Variants in RBM19 observed in about 807,000 individuals in gnomAD.
RBM19 encodes the protein probable RNA-binding protein 19.
Under a neutral mutation model 116.8 loss-of-function variants are expected in RBM19, and 94 were observed. That is an observed-to-expected ratio of 0.80 (90% CI 0.68 to 0.95). The LOEUF is 0.95. Among genes scored for constraint, RBM19 ranks in the 40% least tolerant of loss-of-function variants. The pLI is 0.00. For synonymous variants in RBM19, 475 were observed against 494.1 expected (o/e 0.96, Z 0.51); for missense variants, 1,161 against 1,220.7 (o/e 0.95, Z 0.73).
rs574667329 is a variant in RBM19, at chr12:113,918,420, C to T, written c.2413G>A (p.Glu805Lys). Residue 805 changes from glutamate (E) to lysine (K), a missense_variant, in exon 20 of 24, where the codon GAA (glutamate) becomes AAA (lysine). By Grantham distance (56) the Glu-to-Lys change is moderately conservative. Transcript: ENST00000261741. ...GTGGCTCGTTCCGAGATCCTCACTTCCAGCTTGTGGCCGTCCACGACGTGA... is the reference window on the plus strand; with the variant it reads ...GTGGCTCGTTCCGAGATCCTCACTTTCAGCTTGTGGCCGTCCACGACGTGA... ...QGHVVDGHKL[E>K]VRISERATKP... is the part of the protein sequence containing the mutation. 6.2e-7 allele frequency: 1 copy of T among 1,614,214 alleles called. No homozygotes were observed. Among genetic ancestry groups the T allele is most frequent in the Admixed American group, 1.7e-5 (1 of 60,032 alleles).
intron 16 of RBM19, among the ~76,000 whole-genome samples, chr12:113,927,627 T>C (rs1338734561): frequency 6.6e-6 from 1 of 151,034 alleles, no homozygotes; most frequent in Non-Finnish European, 1.5e-5. Flanking sequence ...AACCAGCACT[T>C]AGTGAACTTT....
At chr12:113,920,342 C>T (rs529389495) in intron 19 of RBM19, among the ~76,000 whole-genome samples, 17 of 152,332 alleles carry the variant, frequency 1.1e-4, no homozygotes, top group African/African-American at 4.1e-4. Context: ...CGTGAGCAAC[C>T]TCTCCCAGGC....
chr12:113,866,762 G>A (rs746507833), intron 21 of RBM19, among the ~76,000 whole-genome samples: 27 of 152,228 alleles, frequency 1.8e-4, no homozygotes, highest in Non-Finnish European at 3.4e-4. Context: ...GAAGGGACAG[G>A]GGCCACTCAG....
chr12:113,928,427 C>CACACACACACAA, intron 16 of RBM19, among the ~76,000 whole-genome samples: 1 of 148,904 alleles, frequency 6.7e-6, no homozygotes, highest in Non-Finnish European at 1.5e-5. Flanking sequence ...TACACACACA[C>CACACACACACAA]ACACACACAC....
At chr12:113,885,718 G>A (rs1880467216) in intron 21 of RBM19, among the ~76,000 whole-genome samples, 1 of 152,134 alleles carries the variant, frequency 6.6e-6, no homozygotes. Context: ...AATATAGAGA[G>A]AATGATAAAC....
At chr12:113,894,394 C>G (rs1881178692) in intron 21 of RBM19, among the ~76,000 whole-genome samples, 1 of 152,224 alleles carries the variant, frequency 6.6e-6, no homozygotes, top group South Asian at 2.1e-4. Context: ...CATGCCCTCT[C>G]CAGCCTGAGA....
downstream of RBM19, among the ~76,000 whole-genome samples, chr12:113,821,354 G>A (rs1029469082): frequency 6.6e-6 from 1 of 152,222 alleles, no homozygotes; most frequent in Non-Finnish European, 1.5e-5. Context: ...CTCTGGTGGT[G>A]TGGAAATGTG....
chr12:113,955,252 C>T, intron 6 of RBM19, 41 bp from the exon 7 acceptor site: 8 of 1,581,024 alleles, frequency 5.1e-6, no homozygotes, highest in Non-Finnish European at 6.1e-6. Flanking sequence ...CCACACTAAC[C>T]CTTCGTACAG....
chr12:113,909,554 T>C (rs1291199113), intron 21 of RBM19, among the ~76,000 whole-genome samples: 2 of 152,184 alleles, frequency 1.3e-5, no homozygotes, highest in East Asian at 3.9e-4. Flanking sequence ...GTGAACCACC[T>C]GTCGGTAAAA....
At chr12:113,869,396 T>C (rs1879058248) in intron 21 of RBM19, among the ~76,000 whole-genome samples, 1 of 152,322 alleles carries the variant, frequency 6.6e-6, no homozygotes, top group African/African-American at 2.4e-5. Context: ...GGGATAGCTG[T>C]GCATGCTCCT....
At chr12:113,933,296 T>C (rs1017827962) in intron 16 of RBM19, among the ~76,000 whole-genome samples, 9 of 139,470 alleles carry the variant, frequency 6.5e-5, no homozygotes, top group Admixed American at 8.1e-5. Context: ...GTTGTCCTCG[T>C]ACAACGGGGG....
At chr12:113,876,348 T>C (rs1339848502) in intron 21 of RBM19, among the ~76,000 whole-genome samples, 1 of 152,320 alleles carries the variant, frequency 6.6e-6, no homozygotes, top group East Asian at 1.9e-4. Flanking sequence ...CCAGTGCTTA[T>C]AAGCCTCTCT....
chr12:113,952,698 T>A, intron 7 of RBM19, 108 bp from the exon 8 acceptor site: 1 of 865,718 alleles, frequency 1.2e-6, no homozygotes. Flanking sequence ...AAGTGTTTCA[T>A]TCTTTAGTTT....
At chr12:113,950,052 CAG>C (rs777583327) in intron 9 of RBM19, 29 bp downstream of exon 9, 2 of 1,548,074 alleles carry the variant, frequency 1.3e-6, no homozygotes, top group Admixed American at 1.7e-5. Context: ...CGCTGTAACA[CAG>C]AGAGAGCACA....
chr12:113,832,475 C>A (rs1010025655), intron 23 of RBM19, among the ~76,000 whole-genome samples: 3 of 152,222 alleles, frequency 2.0e-5, no homozygotes, highest in Non-Finnish European at 4.4e-5. Flanking sequence ...CAGGCATGAG[C>A]CGCCACTTTT....
chr12:113,868,737 T>C (rs888998326), intron 21 of RBM19, among the ~76,000 whole-genome samples: 1 of 152,200 alleles, frequency 6.6e-6, no homozygotes, highest in Non-Finnish European at 1.5e-5. Flanking sequence ...GGGCCGAACA[T>C]ACACATTAAG....
At chr12:113,927,740 T>C (rs983810379) in intron 16 of RBM19, among the ~76,000 whole-genome samples, 3 of 152,084 alleles carry the variant, frequency 2.0e-5, no homozygotes. Context: ...TTACATACCA[T>C]CGAAATCCCT....
At chr12:113,957,246 T>G (rs1391346612) in intron 6 of RBM19, among the ~76,000 whole-genome samples, 1 of 152,228 alleles carries the variant, frequency 6.6e-6, no homozygotes, top group Non-Finnish European at 1.5e-5. Flanking sequence ...AGGCAATTTC[T>G]GGAAGGCAGG....
In RBM19 at chr12:113,898,082, C is replaced by A. The variant is rs1185470761; in HGVS notation, c.2558+16887G>T. Reference sequence around the variant, plus strand: ...AGGTCTAAGTGAACCTGACAGGTATCCTGGAACCTGAAATTTGGACTAAAG... The same window carrying A: ...AGGTCTAAGTGAACCTGACAGGTATACTGGAACCTGAAATTTGGACTAAAG... On this transcript the variant is annotated intron_variant, in intron 21 of 23. Coordinates refer to ENST00000261741, the MANE Select transcript of RBM19 (RefSeq NM_016196.4). This position sits in a 1 kb window ranked among gnomAD's most constrained non-coding sequence, Gnocchi z 4.3. 1.3e-5 allele frequency among the ~76,000 whole-genome samples: 2 copies of A among 152,126 alleles called. No homozygotes were observed. The highest frequency in any genetic ancestry group is 4.8e-5 in the African/African-American group (2 of 41,396).
Sources: gnomAD v4.1 joint callset for allele counts (sites outside exome capture counted in the v4.1 genomes callset) on GRCh38, gnomAD v4.1.1 for gene constraint, Gnocchi (gnomAD v3.1) non-coding constraint, MANE v1.5 for transcripts, NCBI Gene and HGNC (gene_info 2026-07-23, HGNC 2026-07-21) for gene names.